RFT1: variants seen among roughly 807,000 people sequenced by gnomAD.
The protein encoded by RFT1 is RFT1 glycolipid translocator homolog.
In RFT1, 43 loss-of-function variants were observed where a neutral mutation model predicts 62.2. The observed-to-expected ratio is 0.69, with a 90% CI of 0.54 to 0.89. The LOEUF is 0.89. Among genes scored for constraint, RFT1 ranks in the 40% least tolerant of loss-of-function variants. RFT1 has a pLI of 0.00. For missense variants in RFT1, 605 were observed against 649.9 expected (o/e 0.93, Z 0.75); for synonymous variants, 262 against 264.6 (o/e 0.99, Z 0.10).
downstream of RFT1, among the ~76,000 whole-genome samples, chr3:53,087,742 A>C (rs1700885999): frequency 6.6e-6 from 1 of 152,214 alleles, no homozygotes. Context: ...GTTGGTCTCA[A>C]AATCCCGGGC....
chr3:53,078,473 G>T, the RFT1 span, among the ~76,000 whole-genome samples: 1 of 152,174 alleles, frequency 6.6e-6, no homozygotes, highest in Non-Finnish European at 1.5e-5. Flanking sequence ...ACTTGGCCAG[G>T]CACAGTGGCT....
intron 7 of RFT1, among the ~76,000 whole-genome samples, chr3:53,107,116 A>T (rs1173942285): frequency 6.7e-6 from 1 of 149,750 alleles, no homozygotes; most frequent in African/African-American, 2.5e-5. Flanking sequence ...AAAAAATAAA[A>T]ATAAAACAAG....
intron 6 of RFT1, among the ~76,000 whole-genome samples, chr3:53,114,732 GC>G (rs11305160): frequency 1 from 151,462 of 152,220 alleles, 75,361 homozygotes; most frequent in Middle Eastern, 1. Flanking sequence ...CCATTCCACT[GC>G]CCTCACTGTA....
intron 7 of RFT1, among the ~76,000 whole-genome samples, chr3:53,109,143 A>T (rs555971920): frequency 1.3e-5 from 2 of 151,980 alleles, no homozygotes; most frequent in East Asian, 3.9e-4. Context: ...AGCTGCTTTG[A>T]GTCAGGCTGG....
intron 7 of RFT1, among the ~76,000 whole-genome samples, chr3:53,111,024 A>G (rs1701633366): frequency 6.6e-6 from 1 of 152,218 alleles, no homozygotes; most frequent in African/African-American, 2.4e-5. Flanking sequence ...ATACAAGTGC[A>G]TTTTGTTGTT....
In RFT1 at chr3:53,119,971, CT is replaced by C; in HGVS notation, c.608del (p.Lys203SerfsTer19). The C allele has an allele frequency of 1.2e-6, 2 of 1,611,264 alleles. No individual in the cohort carries two copies. Among genetic ancestry groups the C allele is most frequent in the Non-Finnish European group, 1.7e-6 (2 of 1,179,056 alleles). ...LVLCYVIYFT[K>X]LLGSPESTKL... ...TGGTTGATTCTGGGGAACCCAGTAA[CT>C]TTGTGAAATAAATAACATAGCAGAG... On this transcript the variant is annotated frameshift_variant, in exon 6 of 13. Coordinates refer to ENST00000296292, the MANE Select transcript of RFT1 (RefSeq NM_052859.4). LOFTEE classifies it high-confidence loss of function.
intron 7 of RFT1, 87 bp downstream of exon 7, chr3:53,111,743 A>C: frequency 9.3e-7 from 1 of 1,077,516 alleles, no homozygotes; most frequent in Admixed American, 1.7e-5. Context: ...GGCTCTGGAC[A>C]GGTGGTCTGG....
the RFT1 span, among the ~76,000 whole-genome samples, chr3:53,068,805 A>G: frequency 6.6e-6 from 1 of 152,360 alleles, no homozygotes; most frequent in African/African-American, 2.4e-5. Context: ...CAAAAGTCAT[A>G]CACATTTAGT....
intron 6 of RFT1, among the ~76,000 whole-genome samples, chr3:53,113,879 T>C (rs1575495855): frequency 6.6e-6 from 1 of 152,168 alleles, no homozygotes; most frequent in East Asian, 1.9e-4. Context: ...CCCCATTCTC[T>C]TTACTCCTTG....
Position 53,091,635 on chromosome 3 carries a change from G to A in RFT1, c.*268C>T. 1 of 479,208 alleles carries A rather than the reference G, an allele frequency of 2.1e-6. No homozygotes were observed. The highest frequency in any genetic ancestry group is 3.8e-6 in the Non-Finnish European group (1 of 263,196). 29.7% of individuals were successfully genotyped at this position (479,208 alleles called of 1,614,324 possible). On this transcript the variant is annotated 3_prime_UTR_variant, in exon 13 of 13. Transcript: ENST00000296292. ...AAAAGGAATGAGTATATTAGTAAAA[G>A]AGAAAATGCTGATTACTATAAAATG... is the stretch of plus-strand genomic sequence containing the variant.
At chr3:53,122,104 A>T (rs1701985645) in intron 4 of RFT1, among the ~76,000 whole-genome samples, 1 of 152,190 alleles carries the variant, frequency 6.6e-6, no homozygotes, top group Non-Finnish European at 1.5e-5. Flanking sequence ...AATCTGAAAA[A>T]CCTTTACGGT....
intron 4 of RFT1, among the ~76,000 whole-genome samples, chr3:53,122,050 A>C (rs1366524627): frequency 6.6e-6 from 1 of 152,224 alleles, no homozygotes; most frequent in African/African-American, 2.4e-5. Flanking sequence ...AGATGAAGAG[A>C]GAAAAGTTAA....
intron 1 of RFT1, among the ~76,000 whole-genome samples, chr3:53,129,404 C>A (rs1386585681): frequency 6.6e-6 from 1 of 152,142 alleles, no homozygotes; most frequent in East Asian, 1.9e-4. Flanking sequence ...CGGATTTATC[C>A]CGAAGGCAGG....
intron 11 of RFT1, among the ~76,000 whole-genome samples, chr3:53,098,645 A>C (rs1311082715): frequency 3.3e-5 from 5 of 152,156 alleles, no homozygotes; most frequent in Non-Finnish European, 5.9e-5. Context: ...TACTAAAAAT[A>C]CAAAAAATTA....
the RFT1 span, among the ~76,000 whole-genome samples, chr3:53,072,524 C>G: frequency 6.6e-6 from 1 of 152,190 alleles, no homozygotes; most frequent in African/African-American, 2.4e-5. Flanking sequence ...AGCTGGAGGA[C>G]CTGCTCTCCT....
At chr3:53,118,026 A>G (rs1701855692) in intron 6 of RFT1, among the ~76,000 whole-genome samples, 1 of 152,310 alleles carries the variant, frequency 6.6e-6, no homozygotes, top group Non-Finnish European at 1.5e-5. Context: ...AGTAGCTGGG[A>G]CTACAGGTGC....
In RFT1 at chr3:53,122,568, A is replaced by T. The variant is rs1179727423; in HGVS notation, c.267-5T>A. 1.9e-6 allele frequency: 3 copies of T among 1,563,380 alleles called. No homozygotes were observed. Among genetic ancestry groups the T allele is most frequent in the Non-Finnish European group, 2.6e-6 (3 of 1,152,250 alleles). On this transcript the variant is annotated splice_region_variant and splice_polypyrimidine_tract_variant and intron_variant, in intron 3 of 12. Transcript: ENST00000296292. Reference sequence around the variant, plus strand: ...CAAAACACACCCAGGGGGACTCTAGAAGAGGAGAAAAAAATAATTCACTAA... The same window carrying T: ...CAAAACACACCCAGGGGGACTCTAGTAGAGGAGAAAAAAATAATTCACTAA...
At chr3:53,098,693 C>T (rs1163603441) in intron 11 of RFT1, among the ~76,000 whole-genome samples, 5 of 145,058 alleles carry the variant, frequency 3.4e-5, no homozygotes, top group South Asian at 2.2e-4. Flanking sequence ...TCCCAGCTAC[C>T]TGGGAGGCTG....
chr3:53,107,199 G>A (rs371827029), intron 7 of RFT1, among the ~76,000 whole-genome samples: 7 of 148,230 alleles, frequency 4.7e-5, no homozygotes, highest in Admixed American at 1.4e-4. Flanking sequence ...ACAGTGGCAC[G>A]ATTTCGGCTC....
Sources: gnomAD v4.1 joint callset for allele counts (sites outside exome capture counted in the v4.1 genomes callset) on GRCh38, gnomAD v4.1.1 for gene constraint, MANE v1.5 for transcripts, NCBI Gene and HGNC (gene_info 2026-07-23, HGNC 2026-07-21) for gene names.